Variants in ZDHHC21 observed in about 807,000 individuals in gnomAD.
ZDHHC21 encodes the protein palmitoyltransferase ZDHHC21.
Under a neutral mutation model 34.6 loss-of-function variants are expected in ZDHHC21, and 15 were observed. The ratio of observed to expected loss-of-function variants is 0.43; its 90% CI spans 0.29 to 0.67. The LOEUF (loss-of-function observed/expected upper bound fraction) is 0.67, where lower values mean the gene tolerates loss of function less well. Ranked by LOEUF, ZDHHC21 falls within the 30% of genes least tolerant of loss-of-function variation. The pLI is 0.14. For missense variants in ZDHHC21, 344 were observed against 327.7 expected, an observed-to-expected ratio of 1.05 and a Z score of -0.38; for synonymous variants, 142 against 101.8, an observed-to-expected ratio of 1.40 and a Z score of -2.38.
At chr9:14,605,090 T>C in the ZDHHC21 span, among the ~76,000 whole-genome samples, 1 of 152,188 alleles carries the variant, frequency 6.6e-6, no homozygotes, top group Admixed American at 6.5e-5. Context: ...ATACTAAATT[T>C]TCTAAATTCA....
chr9:14,640,957 C>G lies in ZDHHC21; in HGVS notation c.505-945G>C, dbSNP rs1829271593. Among the ~76,000 whole-genome samples, 3 of 152,252 alleles carry G rather than the reference C, an allele frequency of 2.0e-5. No homozygotes were observed. The South Asian group carries it at 6.2e-4, about 32-fold the overall frequency. ...AGAGAGAGATGAAGAACTAAGACTT[C>G]TCCTGGAAATCTGCTGTTGCTAAGC... On this transcript the variant is annotated intron_variant, in intron 7 of 9. Transcript: ENST00000380916.
At chr9:14,643,260 A>C (rs1564270544) in intron 7 of ZDHHC21, among the ~76,000 whole-genome samples, 1 of 152,020 alleles carries the variant, frequency 6.6e-6, no homozygotes, top group Non-Finnish European at 1.5e-5. Context: ...AAAAATATAT[A>C]TATATAAAGA....
At chr9:14,691,799 T>C (rs1378704982) in intron 1 of ZDHHC21, among the ~76,000 whole-genome samples, 1 of 152,346 alleles carries the variant, frequency 6.6e-6, no homozygotes, top group East Asian at 1.9e-4. Flanking sequence ...GAATTATACA[T>C]TTTAACTTAT....
In ZDHHC21 at chr9:14,617,371, T is replaced by G. The variant is rs1824402144; in HGVS notation, c.*1595A>C. On this transcript the variant is annotated 3_prime_UTR_variant, in exon 10 of 10. Coordinates refer to ENST00000380916, the MANE Select transcript of ZDHHC21 (RefSeq NM_178566.6). Reference sequence around the variant, plus strand: ...ATGAAAAACATGATATTAACATCTCTGAGAAGAACTTACTCTATTATTTCA... The same window carrying G: ...ATGAAAAACATGATATTAACATCTCGGAGAAGAACTTACTCTATTATTTCA... 6.6e-6 allele frequency: 1 copy of G among 152,040 alleles called. No homozygotes were observed. Among genetic ancestry groups the G allele is most frequent in the African/African-American group, 2.4e-5 (1 of 41,444 alleles). The allele number at this position is 152,040 out of a possible 1,614,324, so 9.4% of individuals were successfully genotyped here.
chr9:14,641,640 C>A (rs375752883), intron 7 of ZDHHC21, among the ~76,000 whole-genome samples: 3 of 152,086 alleles, frequency 2.0e-5, no homozygotes, highest in African/African-American at 7.2e-5. Flanking sequence ...ATGAGCCACA[C>A]CCACCCACAA....
chr9:14,684,086 G>A (rs1398543045), intron 2 of ZDHHC21, among the ~76,000 whole-genome samples: 2 of 152,160 alleles, frequency 1.3e-5, no homozygotes, highest in East Asian at 3.9e-4. Context: ...CAAACCCACA[G>A]CCAATATCAT....
chr9:14,603,957 T>G, the ZDHHC21 span, among the ~76,000 whole-genome samples: 1 of 152,188 alleles, frequency 6.6e-6, no homozygotes, highest in African/African-American at 2.4e-5. Flanking sequence ...ATTGAGTTAT[T>G]AGAGTCATGT....
In ZDHHC21 at chr9:14,687,581, G is replaced by A. The variant is rs1054459479; in HGVS notation, c.-176+2756C>T. On this transcript the variant is annotated intron_variant, in intron 2 of 9. Coordinates refer to ENST00000380916, the MANE Select transcript of ZDHHC21 (RefSeq NM_178566.6). ...AGCTACTCGGGAGGCTGAGGCACGA[G>A]AATCGCTTGAAGCTTGAACCCAGGA... is the stretch of plus-strand genomic sequence containing the variant. Among the ~76,000 whole-genome samples the A allele has an allele frequency of 7.3e-5, 11 of 150,884 alleles. 2 individuals carry two copies. Among genetic ancestry groups the A allele is most frequent in the African/African-American group, 2.7e-4 (11 of 40,176 alleles).
At chr9:14,687,377 A>T (rs1838486166) in intron 2 of ZDHHC21, among the ~76,000 whole-genome samples, 1 of 150,744 alleles carries the variant, frequency 6.6e-6, no homozygotes, top group Non-Finnish European at 1.5e-5. Context: ...TGTGGTAATA[A>T]AAGTAATGCT....
At chr9:14,620,026 T>A (rs1825013203) in intron 8 of ZDHHC21, among the ~76,000 whole-genome samples, 2 of 152,066 alleles carry the variant, frequency 1.3e-5, no homozygotes, top group African/African-American at 2.4e-5. Context: ...TGTCAGTGAA[T>A]ATGCATTAAA....
At chr9:14,688,810 C>G (rs926581352) in intron 2 of ZDHHC21, among the ~76,000 whole-genome samples, 1 of 152,210 alleles carries the variant, frequency 6.6e-6, no homozygotes, top group Middle Eastern at 3.4e-3. Context: ...TGCAGTGAGC[C>G]GAGATCACCC....
intron 8 of ZDHHC21, among the ~76,000 whole-genome samples, chr9:14,638,312 T>G (rs1328962983): frequency 1.3e-5 from 2 of 151,998 alleles, no homozygotes; most frequent in Non-Finnish European, 2.9e-5. Flanking sequence ...ACATGAGAAG[T>G]GCTGGGAAAA....
chr9:14,658,176 T>C (rs1467189066), intron 7 of ZDHHC21, among the ~76,000 whole-genome samples: 2 of 152,208 alleles, frequency 1.3e-5, no homozygotes, highest in East Asian at 1.9e-4. Flanking sequence ...TTTTTCATTA[T>C]TGTAGATATT....
At chr9:14,662,416 C>G in intron 5 of ZDHHC21, 90 bp from the exon 6 acceptor site, 4 of 912,170 alleles carry the variant, frequency 4.4e-6, no homozygotes, top group Non-Finnish European at 6.5e-6. Flanking sequence ...TTATAGGAAG[C>G]CTTCAACATA....
At chr9:14,623,057 G>C (rs957880003) in intron 8 of ZDHHC21, among the ~76,000 whole-genome samples, 1 of 151,382 alleles carries the variant, frequency 6.6e-6, no homozygotes, top group African/African-American at 2.4e-5. Flanking sequence ...GTTAAGACCT[G>C]ATCCTATGAA....
downstream of ZDHHC21, among the ~76,000 whole-genome samples, chr9:14,606,911 G>A (rs972211444): frequency 1.3e-5 from 2 of 151,970 alleles, no homozygotes; most frequent in Non-Finnish European, 2.9e-5. Flanking sequence ...ATTCATGTGA[G>A]AATGTGTGTA....
At chr9:14,597,340 G>T in the ZDHHC21 span, among the ~76,000 whole-genome samples, 1 of 152,084 alleles carries the variant, frequency 6.6e-6, no homozygotes, top group Non-Finnish European at 1.5e-5. Context: ...ACTCAGCAGT[G>T]TGGCTGGGTA....
chr9:14,597,184 T>C, the ZDHHC21 span, among the ~76,000 whole-genome samples: 283 of 152,156 alleles, frequency 1.9e-3, 4 homozygotes, highest in African/African-American at 6.4e-3. Flanking sequence ...CAAGCAACTA[T>C]AGCATGGTGC....
At chr9:14,629,132 T>C (rs933215489) in intron 8 of ZDHHC21, among the ~76,000 whole-genome samples, 102 of 152,354 alleles carry the variant, frequency 6.7e-4, no homozygotes, top group African/African-American at 2.4e-3. Context: ...TTCTTAACAA[T>C]TCTTTTTTGA....
Sources: gnomAD v4.1 joint callset for allele counts (sites outside exome capture counted in the v4.1 genomes callset) on GRCh38, gnomAD v4.1.1 for gene constraint, MANE v1.5 for transcripts, NCBI Gene and HGNC (gene_info 2026-07-23, HGNC 2026-07-21) for gene names.